The following SMYD3 variants were observed in gnomAD, a reference collection of about 807,000 sequenced individuals.
SMYD3 encodes SET and MYND domain containing 3.
SMYD3 carries 36 observed loss-of-function variants against 57.7 expected under a neutral mutation model. The observed-to-expected ratio is 0.62, with a 90% CI of 0.48 to 0.82. The LOEUF (loss-of-function observed/expected upper bound fraction) is 0.82. Among genes scored for constraint, SMYD3 ranks in the 40% least tolerant of loss-of-function variants. The probability of loss-of-function intolerance (pLI) is 0.00; values close to 1 mark genes in which losing one functional copy is unlikely to be tolerated. For missense variants in SMYD3, 515 were observed against 538.8 expected (o/e 0.96, Z 0.44); for synonymous variants, 211 against 195.0 (o/e 1.08, Z -0.68).
chr1:245,904,278 G>GCCA (rs1011483542), intron 8 of SMYD3, among the ~76,000 whole-genome samples: 17 of 152,088 alleles, frequency 1.1e-4, no homozygotes, highest in African/African-American at 4.1e-4. Flanking sequence ...TCTCTCATCT[G>GCCA]CCACCATGTA....
At chr1:245,895,997 G>A (rs1478360222) in intron 8 of SMYD3, among the ~76,000 whole-genome samples, 1 of 152,162 alleles carries the variant, frequency 6.6e-6, no homozygotes, top group African/African-American at 2.4e-5. Flanking sequence ...GTAGCATCAG[G>A]GAATGAGAAG....
At chr1:245,768,502 C>T (rs1476350267) in intron 10 of SMYD3, among the ~76,000 whole-genome samples, 1 of 152,194 alleles carries the variant, frequency 6.6e-6, no homozygotes, top group African/African-American at 2.4e-5. Flanking sequence ...CACATTATTC[C>T]GTTACAGATG....
At chr1:245,890,673 G>A (rs758145044) in intron 8 of SMYD3, among the ~76,000 whole-genome samples, 1 of 152,154 alleles carries the variant, frequency 6.6e-6, no homozygotes, top group East Asian at 1.9e-4. Context: ...AAGGGTCCTC[G>A]AAAAACTAAA....
chr1:246,457,760 T>C (rs1365621899), intron 1 of SMYD3, among the ~76,000 whole-genome samples: 1 of 152,110 alleles, frequency 6.6e-6, no homozygotes, highest in African/African-American at 2.4e-5. Flanking sequence ...AAGTACCCAA[T>C]CCACTGCCTA....
At chr1:246,153,319 C>G (rs1315399728) in intron 5 of SMYD3, among the ~76,000 whole-genome samples, 10 of 151,802 alleles carry the variant, frequency 6.6e-5, no homozygotes, top group Non-Finnish European at 1.5e-5. Context: ...TCTCTGTCTC[C>G]TACAGTCATA....
chr1:245,853,941 C>A (rs1028471064), intron 10 of SMYD3, among the ~76,000 whole-genome samples: 2 of 152,152 alleles, frequency 1.3e-5, no homozygotes, highest in African/African-American at 4.8e-5. Flanking sequence ...CTTTCTTCTC[C>A]TTGATGGAGA....
intron 5 of SMYD3, among the ~76,000 whole-genome samples, chr1:246,008,965 C>T (rs147104408): frequency 2.1e-3 from 319 of 152,258 alleles, no homozygotes; most frequent in African/African-American, 7.2e-3. Flanking sequence ...AAGTGCCAGC[C>T]GTACCGCTTG....
In SMYD3 at chr1:245,842,435, ATTCTC is replaced by A. The variant is rs1482054264; in HGVS notation, c.1076+16056_1076+16060del. Reference sequence around the variant, plus strand: ...CTTTTCCCAAATTCATTTGACCAGGATTCTCTTTTCATTTCAAGTCAATGGAACAA... The same window carrying A: ...CTTTTCCCAAATTCATTTGACCAGGATTTTCATTTCAAGTCAATGGAACAA... On this transcript the variant is annotated intron_variant, in intron 10 of 11. Transcript: ENST00000490107. Among the ~76,000 whole-genome samples, 12 of 122,346 alleles carry A rather than the reference ATTCTC, an allele frequency of 9.8e-5. No individual in the cohort carries two copies. In the South Asian group the frequency reaches 2.5e-3, roughly 25 times the overall value. The allele number at this position is 122,346 out of a possible 152,430, so 80.3% of individuals were successfully genotyped here.
At chr1:246,084,949 A>G (rs1229372885) in intron 5 of SMYD3, among the ~76,000 whole-genome samples, 1 of 152,210 alleles carries the variant, frequency 6.6e-6, no homozygotes, top group African/African-American at 2.4e-5. Context: ...AAAGATGCGC[A>G]TTAACATTTT....
intron 11 of SMYD3, among the ~76,000 whole-genome samples, chr1:245,752,519 G>A (rs553634126): frequency 1.3e-5 from 2 of 152,360 alleles, no homozygotes; most frequent in South Asian, 4.1e-4. Flanking sequence ...TCACTGGCAT[G>A]CTTTGAACAT....
intron 5 of SMYD3, among the ~76,000 whole-genome samples, chr1:246,194,821 G>T (rs112555676): frequency 2.7e-4 from 41 of 152,210 alleles, no homozygotes; most frequent in African/African-American, 9.2e-4. Context: ...GAAATTCTAC[G>T]GCACAACAAT....
At chr1:246,417,643 T>C (rs2067083210) in intron 1 of SMYD3, among the ~76,000 whole-genome samples, 1 of 152,104 alleles carries the variant, frequency 6.6e-6, no homozygotes. Flanking sequence ...CTGAAAAATA[T>C]CTCAAAAACC....
At chr1:246,031,605 C>T (rs558272888) in intron 5 of SMYD3, among the ~76,000 whole-genome samples, 5 of 151,986 alleles carry the variant, frequency 3.3e-5, no homozygotes, top group South Asian at 2.1e-4. Flanking sequence ...GGCGTGGTGG[C>T]GGGCGCCTGT....
At chr1:246,094,743 A>G (rs1443508255) in intron 5 of SMYD3, among the ~76,000 whole-genome samples, 1 of 152,234 alleles carries the variant, frequency 6.6e-6, no homozygotes, top group Non-Finnish European at 1.5e-5. Flanking sequence ...CACATGAGCC[A>G]TACTTCATTT....
chr1:246,268,161 C>T (rs1023275081), intron 5 of SMYD3, among the ~76,000 whole-genome samples: 1 of 152,166 alleles, frequency 6.6e-6, no homozygotes, highest in Non-Finnish European at 1.5e-5. Flanking sequence ...TAAGTCACAG[C>T]ATGAGATGGG....
chr1:246,065,080 A>G (rs1225954157), intron 5 of SMYD3, among the ~76,000 whole-genome samples: 1 of 152,246 alleles, frequency 6.6e-6, no homozygotes, highest in Admixed American at 6.5e-5. Context: ...AGATATGTAT[A>G]TAGTCCCAAA....
At position 245,785,870 on chromosome 1, in the gene SMYD3, AT is replaced by A. The variant is rs1026135692; in HGVS notation, c.1077-21722del. Among the ~76,000 whole-genome samples the A allele has an allele frequency of 2.1e-3, 320 of 151,430 alleles. 1 individual carries two copies. The highest frequency in any genetic ancestry group is 7.2e-3 in the African/African-American group (296 of 41,216). On this transcript the variant is annotated intron_variant, in intron 10 of 11. Coordinates refer to ENST00000490107, the MANE Select transcript of SMYD3 (RefSeq NM_001167740.2). ...TATGCCACCATGCCTGGCTAATTTT[AT>A]TTTTTTTATTTTTTGTAGAGATGGA...
chr1:246,105,073 C>T, intron 5 of SMYD3, among the ~76,000 whole-genome samples: 1 of 152,088 alleles, frequency 6.6e-6, no homozygotes, highest in South Asian at 2.1e-4. Context: ...GGTAAGAGGA[C>T]ATTCTGGCCA....
At chr1:246,011,832 C>T (rs2059287910) in intron 5 of SMYD3, among the ~76,000 whole-genome samples, 1 of 152,200 alleles carries the variant, frequency 6.6e-6, no homozygotes, top group African/African-American at 2.4e-5. Context: ...ACAAACTGAA[C>T]ACCAGCTCTT....
Sources: allele counts gnomAD v4.1 joint callset (sites outside exome capture counted in the v4.1 genomes callset), GRCh38; gene constraint gnomAD v4.1.1; transcripts MANE v1.5; gene names NCBI Gene and HGNC (gene_info 2026-07-23, HGNC 2026-07-21).